SPAG16: variants seen among roughly 807,000 people sequenced by gnomAD.
SPAG16 encodes the protein sperm associated antigen 16, also known as sperm-associated antigen 16 protein.
A neutral mutation model predicts 80.4 loss-of-function variants in SPAG16; 86 were observed. That is an observed-to-expected ratio of 1.07 (90% CI 0.90 to 1.28). SPAG16 has a LOEUF of 1.28. Among genes scored for constraint, SPAG16 ranks in the 50% most tolerant of loss-of-function variants. SPAG16 has a pLI of 0.00. For synonymous variants in SPAG16, 294 were observed against 265.9 expected, an observed-to-expected ratio of 1.11 and a Z score of -1.03; for missense variants, 870 against 765.3, an observed-to-expected ratio of 1.14 and a Z score of -1.61.
chr2:214,049,762 C>T (rs1434267579), intron 13 of SPAG16, among the ~76,000 whole-genome samples: 1 of 152,148 alleles, frequency 6.6e-6, no homozygotes, highest in African/African-American at 2.4e-5. Context: ...CTCCTGTGAG[C>T]AGTATCTCAG....
intron 7 of SPAG16, among the ~76,000 whole-genome samples, chr2:213,355,604 GTATTT>G (rs2125072952): frequency 6.6e-6 from 1 of 152,182 alleles, no homozygotes; most frequent in East Asian, 1.9e-4. Context: ...GGATTCCTAG[GTATTT>G]TATTCTCTTT....
chr2:213,610,776 A>G (rs537975837), intron 10 of SPAG16, among the ~76,000 whole-genome samples: 3 of 152,344 alleles, frequency 2.0e-5, no homozygotes, highest in East Asian at 1.9e-4. Flanking sequence ...ATAGGATTAA[A>G]AAAAGGTCAT....
At chr2:214,074,645 GA>G (rs1259545141) in intron 13 of SPAG16, among the ~76,000 whole-genome samples, 1 of 151,526 alleles carries the variant, frequency 6.6e-6, no homozygotes, top group Non-Finnish European at 1.5e-5. Context: ...GAAAATACCT[GA>G]AAAAAAGCTA....
At chr2:214,203,479 GC>G (rs1208348497) in intron 15 of SPAG16, among the ~76,000 whole-genome samples, 1 of 152,188 alleles carries the variant, frequency 6.6e-6, no homozygotes, top group Non-Finnish European at 1.5e-5. Flanking sequence ...CTGGGAGACA[GC>G]CAAAAAACTG....
At chr2:213,739,856 C>T (rs1388873715) in intron 10 of SPAG16, among the ~76,000 whole-genome samples, 1 of 152,182 alleles carries the variant, frequency 6.6e-6, no homozygotes, top group Admixed American at 6.5e-5. Flanking sequence ...CCTGCCTCGA[C>T]CTCCCAAAGT....
chr2:213,538,737 C>G (rs917954738), intron 10 of SPAG16, among the ~76,000 whole-genome samples: 6 of 151,956 alleles, frequency 3.9e-5, no homozygotes, highest in African/African-American at 1.2e-4. Flanking sequence ...AGGTTCAGTG[C>G]ACAAAAAATA....
chr2:214,257,523 C>T (rs1213207784), intron 15 of SPAG16, among the ~76,000 whole-genome samples: 1 of 151,994 alleles, frequency 6.6e-6, no homozygotes, highest in Non-Finnish European at 1.5e-5. Context: ...AATAGCTTCT[C>T]AATTTGCTAA....
At chr2:214,132,517 C>T (rs1377228139) in intron 14 of SPAG16, among the ~76,000 whole-genome samples, 1 of 152,142 alleles carries the variant, frequency 6.6e-6, no homozygotes, top group Non-Finnish European at 1.5e-5. Flanking sequence ...TAAGAGATTG[C>T]AGTTTTGTAA....
intron 9 of SPAG16, among the ~76,000 whole-genome samples, chr2:213,471,138 G>A (rs1262751000): frequency 5.3e-5 from 8 of 152,148 alleles, no homozygotes; most frequent in Non-Finnish European, 1.2e-4. Flanking sequence ...CTTTTGGGTG[G>A]TACCTGTATA....
intron 10 of SPAG16, among the ~76,000 whole-genome samples, chr2:213,502,041 T>C (rs1486012380): frequency 6.6e-6 from 1 of 152,212 alleles, no homozygotes; most frequent in Non-Finnish European, 1.5e-5. Context: ...AAAGTGATTT[T>C]TTAATTTAAA....
chr2:214,142,318 C>A (rs1234102313), intron 14 of SPAG16, among the ~76,000 whole-genome samples: 7 of 152,108 alleles, frequency 4.6e-5, no homozygotes, highest in East Asian at 1.9e-4. Context: ...CTCACACTTT[C>A]AAATCTTTGA....
chr2:214,013,959 G>A lies in SPAG16; in HGVS notation c.1409G>A (p.Cys470Tyr), dbSNP rs1225830207. 6.8e-6 allele frequency: 11 copies of A among 1,612,944 alleles called. No homozygotes were observed. The highest frequency in any genetic ancestry group is 8.5e-7 in the Non-Finnish European group (1 of 1,179,494). Reference sequence around the variant, plus strand: ...AATTTCTCTCTTTATAGTGAAAGATGCAGATGTACTTTGTATGGACATACA... The same window carrying A: ...AATTTCTCTCTTTATAGTGAAAGATACAGATGTACTTTGTATGGACATACA... ...SKIWDVNSER[C>Y]RCTLYGHTDS... Residue 470 changes from cysteine to tyrosine, a missense_variant, in exon 13 of 16, where the codon TGC becomes TAC. Physicochemically the swap from Cys to Tyr is radical, Grantham distance 194. Transcript: ENST00000331683.
rs780315760 is a variant in SPAG16, at chr2:213,792,618, C to G, written c.1071-69867C>G. Among the ~76,000 whole-genome samples, 79 of 124,498 alleles carry G rather than the reference C, an allele frequency of 6.3e-4. 1 individual carries two copies. Among genetic ancestry groups the G allele is most frequent in the Non-Finnish European group, 1.1e-3 (70 of 62,654 alleles). The allele number at this position is 124,498 out of a possible 152,430, so 81.7% of individuals were successfully genotyped here. On this transcript the variant is annotated intron_variant, in intron 10 of 15. Coordinates refer to ENST00000331683, the MANE Select transcript of SPAG16 (RefSeq NM_024532.5). The stretch of plus-strand genomic sequence containing the variant: ...TTTTTTTTGGAGACCGGGTCTCACT[C>G]TCTTGCCCAGGCTGGAGTGCAGTGG...
intron 10 of SPAG16, among the ~76,000 whole-genome samples, chr2:213,804,772 G>A (rs1049776609): frequency 1.3e-5 from 2 of 152,164 alleles, no homozygotes; most frequent in Admixed American, 1.3e-4. Context: ...AGCCCTGTGC[G>A]GGATGGTGAG....
chr2:214,343,830 T>C (rs1411388229), intron 15 of SPAG16, among the ~76,000 whole-genome samples: 1 of 152,098 alleles, frequency 6.6e-6, no homozygotes, highest in Non-Finnish European at 1.5e-5. Flanking sequence ...ATTAATAAAA[T>C]TGAATATCTG....
At position 214,143,325 on chromosome 2, in the gene SPAG16, A is replaced by T. The variant is rs537914246; in HGVS notation, c.1594-5815A>T. ...CCTGAGTGACACATAGTAATTACCC[A>T]ATTAGTGTTAGCTATTACTAGTTTT... On this transcript the variant is annotated intron_variant, in intron 14 of 15. Transcript: ENST00000331683. 1.4e-4 allele frequency among the ~76,000 whole-genome samples: 21 copies of T among 149,928 alleles called. No individual in the cohort carries two copies. In the South Asian group the frequency reaches 4.0e-3, roughly 29 times the overall value.
At chr2:213,800,358 C>G (rs995761763) in intron 10 of SPAG16, among the ~76,000 whole-genome samples, 2 of 139,898 alleles carry the variant, frequency 1.4e-5, no homozygotes, top group African/African-American at 2.6e-5. Context: ...CTCTCTCCCT[C>G]TCTCCCTCTC....
chr2:213,621,219 A>G (rs909488688), intron 10 of SPAG16, among the ~76,000 whole-genome samples: 1 of 152,162 alleles, frequency 6.6e-6, no homozygotes, highest in Non-Finnish European at 1.5e-5. Context: ...AAATATTTAG[A>G]TTGATCTTTT....
At chr2:213,456,561 G>T (rs1281979914) in intron 9 of SPAG16, among the ~76,000 whole-genome samples, 3 of 151,960 alleles carry the variant, frequency 2.0e-5, no homozygotes, top group African/African-American at 4.8e-5. Context: ...TTTTCTCTTA[G>T]GTATTTTGTA....
Sources: allele counts gnomAD v4.1 joint callset (sites outside exome capture counted in the v4.1 genomes callset), GRCh38; gene constraint gnomAD v4.1.1; transcripts MANE v1.5; gene names NCBI Gene and HGNC (gene_info 2026-07-23, HGNC 2026-07-21).